CHSY3: variants seen among roughly 807,000 people sequenced by gnomAD.
The protein encoded by CHSY3 is N-acetylgalactosaminyl-proteoglycan 3-beta-glucuronosyltransferase 3.
Under a neutral mutation model 67.2 loss-of-function variants are expected in CHSY3, and 35 were observed. The ratio of observed to expected loss-of-function variants is 0.52; its 90% CI spans 0.40 to 0.69. The LOEUF is 0.69. CHSY3 is among the 30% of genes least tolerant of loss of function. The probability of loss-of-function intolerance (pLI) is 0.00; values close to 1 mark genes in which losing one functional copy is unlikely to be tolerated. For synonymous variants in CHSY3, 474 were observed against 434.7 expected (o/e 1.09, Z -1.12); for missense variants, 1,069 against 1,138.5 (o/e 0.94, Z 0.88).
chr5:129,990,350 A>T (rs1049373769), intron 2 of CHSY3, among the ~76,000 whole-genome samples: 6 of 145,712 alleles, frequency 4.1e-5, no homozygotes, highest in Non-Finnish European at 9.0e-5. Flanking sequence ...AGCATCAGGA[A>T]TGGGGCTGAA....
chr5:130,088,829 C>G (rs547028314), intron 2 of CHSY3, among the ~76,000 whole-genome samples: 14 of 152,200 alleles, frequency 9.2e-5, no homozygotes, highest in African/African-American at 1.7e-4. Flanking sequence ...CCTCAGGGAT[C>G]TAGAACTAGA....
At chr5:130,110,402 C>T (rs181783215) in intron 2 of CHSY3, among the ~76,000 whole-genome samples, 2 of 151,928 alleles carry the variant, frequency 1.3e-5, no homozygotes, top group Non-Finnish European at 2.9e-5. Context: ...TTCATAATAA[C>T]ACACAGGCAG....
intron 2 of CHSY3, among the ~76,000 whole-genome samples, chr5:130,136,029 G>A (rs4836493): frequency 0.042 from 6,339 of 152,208 alleles, 189 homozygotes; most frequent in Non-Finnish European, 0.066. Flanking sequence ...CCTTGTGTTC[G>A]TTAAAGCTGT....
intron 2 of CHSY3, among the ~76,000 whole-genome samples, chr5:129,980,742 G>T (rs1007390526): frequency 3.3e-5 from 5 of 152,060 alleles, no homozygotes; most frequent in African/African-American, 9.7e-5. Context: ...TGGGAGTTTT[G>T]GAGTTTTGTG....
chr5:130,122,081 C>T (rs758540007), intron 2 of CHSY3, among the ~76,000 whole-genome samples: 1 of 152,146 alleles, frequency 6.6e-6, no homozygotes, highest in Non-Finnish European at 1.5e-5. Context: ...GTCTATAAGT[C>T]AGTAATATCT....
At chr5:129,928,795 C>T (rs528342187) in intron 2 of CHSY3, among the ~76,000 whole-genome samples, 92 of 152,044 alleles carry the variant, frequency 6.1e-4, no homozygotes, top group Non-Finnish European at 7.2e-4. Context: ...ACAATATTGA[C>T]CACATTTATG....
intron 2 of CHSY3, among the ~76,000 whole-genome samples, chr5:130,183,243 AT>A (rs749328911): frequency 6.6e-6 from 1 of 150,978 alleles, no homozygotes; most frequent in African/African-American, 2.4e-5. Context: ...ATAACTACAT[AT>A]TTTTTTTCAT....
chr5:130,179,315 T>C (rs1379207245), intron 2 of CHSY3, among the ~76,000 whole-genome samples: 2 of 152,200 alleles, frequency 1.3e-5, no homozygotes, highest in Non-Finnish European at 2.9e-5. Context: ...TGTATCTTTA[T>C]GTCTTCTGTT....
chr5:129,941,748 C>G (rs1321295047), intron 2 of CHSY3, among the ~76,000 whole-genome samples: 1 of 152,118 alleles, frequency 6.6e-6, no homozygotes, highest in Non-Finnish European at 1.5e-5. Flanking sequence ...TTCTCATGCT[C>G]TCTACTTGGA....
chr5:130,028,913 C>G (rs1366683287), intron 2 of CHSY3, among the ~76,000 whole-genome samples: 1 of 151,952 alleles, frequency 6.6e-6, no homozygotes, highest in Non-Finnish European at 1.5e-5. Context: ...TCCCCCACAT[C>G]TGCTTCTCCT....
At chr5:130,074,497 T>C (rs1207889276) in intron 2 of CHSY3, among the ~76,000 whole-genome samples, 1 of 152,212 alleles carries the variant, frequency 6.6e-6, no homozygotes, top group African/African-American at 2.4e-5. Flanking sequence ...TATAACCAAA[T>C]GTGCTCTCTT....
At chr5:130,127,930 T>C (rs1251574638) in intron 2 of CHSY3, among the ~76,000 whole-genome samples, 1 of 152,126 alleles carries the variant, frequency 6.6e-6, no homozygotes, top group African/African-American at 2.4e-5. Context: ...ATCAACCAAG[T>C]AAGGAAGTAT....
chr5:130,020,443 ATATATATATATATATATATTTTTTT>A (rs1168454314), intron 2 of CHSY3, among the ~76,000 whole-genome samples: 1 of 7,738 alleles, frequency 1.3e-4, no homozygotes, highest in African/African-American at 4.8e-4. Flanking sequence ...ATATATATAT[ATATATATATATATATATATTTTTTT>A]TTTTTTTTTT....
chr5:129,961,379 G>A (rs1203092026), intron 2 of CHSY3, among the ~76,000 whole-genome samples: 1 of 152,016 alleles, frequency 6.6e-6, no homozygotes. Flanking sequence ...ATTATTCCTT[G>A]AATTGTGTGA....
Position 130,184,306 on chromosome 5 carries a change from T to C in CHSY3, c.1164T>C (p.His388=), listed in dbSNP as rs1770341030. 2 of 1,613,784 alleles carry C rather than the reference T, an allele frequency of 1.2e-6. No individual in the cohort carries two copies. Among genetic ancestry groups the C allele is most frequent in the Admixed American group, 3.3e-5 (2 of 59,978 alleles). The change falls in exon 3 of 3, where the codon CAT becomes CAC. Residue 388 remains histidine (H), a synonymous_variant. Coordinates refer to ENST00000305031, the MANE Select transcript of CHSY3 (RefSeq NM_175856.5). ...YIQDLHNSKI[H]AAITLHPNKR... is the part of the protein sequence containing the mutation. ...AAGACCTTCACAATAGCAAAATCCA[T>C]GCAGCCATAACACTTCATCCCAACA...
At chr5:130,033,500 A>G (rs923638739) in intron 2 of CHSY3, among the ~76,000 whole-genome samples, 1 of 152,198 alleles carries the variant, frequency 6.6e-6, no homozygotes, top group Non-Finnish European at 1.5e-5. Context: ...ATAAATGAAT[A>G]TCATTGAATT....
intron 2 of CHSY3, among the ~76,000 whole-genome samples, chr5:130,063,829 T>C (rs75262900): frequency 0.13 from 19,193 of 152,100 alleles, 1,540 homozygotes; most frequent in East Asian, 0.34. Flanking sequence ...GAGCCTCTTT[T>C]ATCTGGGTCT....
intron 2 of CHSY3, among the ~76,000 whole-genome samples, chr5:130,076,832 T>C (rs1580709899): frequency 6.6e-6 from 1 of 151,436 alleles, no homozygotes; most frequent in Admixed American, 6.6e-5. Flanking sequence ...TCATTCTCAG[T>C]AAACTATCGC....
intron 2 of CHSY3, among the ~76,000 whole-genome samples, chr5:130,082,624 T>C (rs1766479156): frequency 6.6e-6 from 1 of 152,036 alleles, no homozygotes; most frequent in Non-Finnish European, 1.5e-5. Context: ...TTTTCCTTAA[T>C]GAATATTTTC....
Sources: gnomAD v4.1 joint callset for allele counts (sites outside exome capture counted in the v4.1 genomes callset) on GRCh38, gnomAD v4.1.1 for gene constraint, MANE v1.5 for transcripts, NCBI Gene and HGNC (gene_info 2026-07-23, HGNC 2026-07-21) for gene names.